The following ENOX1 variants were observed in gnomAD, a reference collection of about 807,000 sequenced individuals.
ENOX1 encodes ecto-NOX disulfide-thiol exchanger 1, also known as candidate growth-related and time keeping constitutive hydroquinone (NADH) oxidase.
A neutral mutation model predicts 82.5 loss-of-function variants in ENOX1; 42 were observed. That is an observed-to-expected ratio of 0.51 (90% CI 0.40 to 0.66). The LOEUF (loss-of-function observed/expected upper bound fraction) is 0.66. Among genes scored for constraint, ENOX1 ranks in the 30% least tolerant of loss-of-function variants. The pLI, the probability that ENOX1 is intolerant of heterozygous loss-of-function variation, is 0.00. For missense variants in ENOX1, 608 were observed against 811.6 expected (o/e 0.75, Z 3.05); for synonymous variants, 271 against 282.2 (o/e 0.96, Z 0.40).
chr13:43,344,537 C>T lies in ENOX1; in HGVS notation c.1036+1G>A. The T allele has an allele frequency of 6.2e-7, 1 of 1,612,828 alleles. No individual in the cohort carries two copies. Among genetic ancestry groups the T allele is most frequent in the Non-Finnish European group, 8.5e-7 (1 of 1,179,288 alleles). On this transcript the variant is annotated splice_donor_variant, in intron 9 of 16. Transcript: ENST00000690772. LOFTEE classifies it high-confidence loss of function. ...GAGATGGCCCCCAAAATTTTACTTACATTGAGTGAGAATCCCAGTTAAGGC... is the reference window on the plus strand; with the variant it reads ...GAGATGGCCCCCAAAATTTTACTTATATTGAGTGAGAATCCCAGTTAAGGC...
intron 9 of ENOX1, among the ~76,000 whole-genome samples, chr13:43,344,337 C>T (rs2049249432): frequency 6.6e-6 from 1 of 152,186 alleles, no homozygotes; most frequent in African/African-American, 2.4e-5. Context: ...CGTTGCTCAC[C>T]TTGAGAAGTA....
chr13:43,298,235 G>T, intron 12 of ENOX1, 111 bp downstream of exon 12: 2 of 1,137,902 alleles, frequency 1.8e-6, no homozygotes, highest in Non-Finnish European at 2.4e-6. Flanking sequence ...ATAGCTTTTT[G>T]GTTGTCATTT....
intron 12 of ENOX1, among the ~76,000 whole-genome samples, chr13:43,289,630 C>A (rs1237527761): frequency 6.6e-6 from 1 of 152,104 alleles, no homozygotes; most frequent in African/African-American, 2.4e-5. Flanking sequence ...ATCCTAGAAG[C>A]CAATCTGGAA....
chr13:43,669,762 T>C (rs927172587), intron 1 of ENOX1, among the ~76,000 whole-genome samples: 1 of 152,200 alleles, frequency 6.6e-6, no homozygotes, highest in African/African-American at 2.4e-5. Flanking sequence ...TGTTCCGTTG[T>C]AATTCTTGGG....
At chr13:43,311,858 G>A (rs552694506) in intron 11 of ENOX1, among the ~76,000 whole-genome samples, 5 of 152,268 alleles carry the variant, frequency 3.3e-5, no homozygotes, top group African/African-American at 4.8e-5. Context: ...AAGACAATTC[G>A]TGGAGGCAAA....
intron 2 of ENOX1, among the ~76,000 whole-genome samples, chr13:43,643,478 G>A (rs1023386162): frequency 2.0e-5 from 3 of 151,924 alleles, no homozygotes; most frequent in African/African-American, 7.3e-5. Context: ...TTCTTCCTTT[G>A]GAATAGCTAC....
At chr13:43,737,238 C>T (rs2089676674) in intron 1 of ENOX1, among the ~76,000 whole-genome samples, 1 of 152,132 alleles carries the variant, frequency 6.6e-6, no homozygotes, top group Non-Finnish European at 1.5e-5. Context: ...TAGACAATAA[C>T]AAGAAGACCT....
chr13:43,518,570 T>C (rs559395758), intron 2 of ENOX1, among the ~76,000 whole-genome samples: 73 of 151,162 alleles, frequency 4.8e-4, no homozygotes, highest in South Asian at 3.1e-3. Context: ...AAACCTACAG[T>C]GATATTAGAA....
chr13:43,530,984 G>A (rs540702620), intron 2 of ENOX1, among the ~76,000 whole-genome samples: 8 of 151,802 alleles, frequency 5.3e-5, no homozygotes. Context: ...ATCTGGGGAA[G>A]TCCTTATAAA....
chr13:43,360,101 T>A (rs2050403000), intron 6 of ENOX1, 44 bp from the exon 7 acceptor site: 1 of 1,576,354 alleles, frequency 6.3e-7, no homozygotes, highest in Non-Finnish European at 8.7e-7. Flanking sequence ...TTCATTTATT[T>A]GCTTTCTCTG....
chr13:43,277,570 C>A (rs1264220383), intron 12 of ENOX1, among the ~76,000 whole-genome samples: 1 of 152,170 alleles, frequency 6.6e-6, no homozygotes, highest in East Asian at 1.9e-4. Flanking sequence ...GCACCCTGAC[C>A]TGGCAAGGAT....
intron 2 of ENOX1, among the ~76,000 whole-genome samples, chr13:43,515,123 T>TAC (rs1387526130): frequency 6.6e-6 from 1 of 152,142 alleles, no homozygotes; most frequent in Admixed American, 6.5e-5. Context: ...ACGCAACCAG[T>TAC]ACACGGCAGA....
At chr13:43,278,479 C>T (rs1485168754) in intron 12 of ENOX1, among the ~76,000 whole-genome samples, 1 of 152,072 alleles carries the variant, frequency 6.6e-6, no homozygotes, top group African/African-American at 2.4e-5. Context: ...CAGGACCACT[C>T]TGAGAATTTT....
intron 2 of ENOX1, among the ~76,000 whole-genome samples, chr13:43,632,482 G>C (rs1202628947): frequency 6.6e-6 from 1 of 150,942 alleles, no homozygotes; most frequent in Non-Finnish European, 1.5e-5. Flanking sequence ...TTTTGCTCTT[G>C]TTGCCCAGGC....
chr13:43,726,105 A>G (rs1280444246), intron 1 of ENOX1, among the ~76,000 whole-genome samples: 1 of 152,238 alleles, frequency 6.6e-6, no homozygotes, highest in Non-Finnish European at 1.5e-5. Context: ...CAAAGGAACA[A>G]AAAATAAAGT....
intron 6 of ENOX1, among the ~76,000 whole-genome samples, 190 bp from the exon 7 acceptor site, chr13:43,360,247 T>C (rs1566600992): frequency 6.6e-6 from 1 of 152,214 alleles, no homozygotes; most frequent in Non-Finnish European, 1.5e-5. Flanking sequence ...CAACCTTTAC[T>C]TTCTGTGTTC....
At chr13:43,728,968 G>C (rs1286280879) in intron 1 of ENOX1, among the ~76,000 whole-genome samples, 1 of 152,126 alleles carries the variant, frequency 6.6e-6, no homozygotes, top group African/African-American at 2.4e-5. Flanking sequence ...CCCTTTCTTT[G>C]GCTAGCTAAG....
chr13:43,581,521 T>TA (rs2080739560), intron 2 of ENOX1, among the ~76,000 whole-genome samples: 1 of 152,158 alleles, frequency 6.6e-6, no homozygotes, highest in Non-Finnish European at 1.5e-5. Context: ...TTCTTACATA[T>TA]ACAATTAAAA....
intron 2 of ENOX1, among the ~76,000 whole-genome samples, chr13:43,626,398 A>T (rs951005009): frequency 6.6e-6 from 1 of 151,594 alleles, no homozygotes. Context: ...TTTTGGGGTG[A>T]TAAATTATTA....
Sources: allele counts gnomAD v4.1 joint callset (sites outside exome capture counted in the v4.1 genomes callset), GRCh38; gene constraint gnomAD v4.1.1; transcripts MANE v1.5; gene names NCBI Gene and HGNC (gene_info 2026-07-23, HGNC 2026-07-21).